Variants in TBATA observed in about 807,000 individuals in gnomAD.
TBATA encodes the protein thymus, brain and testes associated, also known as protein TBATA.
In TBATA, 47 loss-of-function variants were observed where a neutral mutation model predicts 38.7. The observed-to-expected ratio is 1.21, with a 90% CI of 0.96 to 1.55. The LOEUF is 1.55. TBATA is among the 40% of genes most tolerant of loss of function. TBATA has a pLI of 0.00. For missense variants in TBATA, 436 were observed against 435.6 expected (o/e 1.00, Z -0.01); for synonymous variants, 183 against 170.5 (o/e 1.07, Z -0.57).
chr10:70,772,078 G>C, intron 10 of TBATA: 1 of 374,614 alleles, frequency 2.7e-6, no homozygotes, highest in Non-Finnish European at 5.3e-6. Flanking sequence ...CCAAGAGGTG[G>C]GAGCTTTGCT....
chr10:70,779,480 C>T, intron 5 of TBATA, 113 bp downstream of exon 5: 1 of 1,248,346 alleles, frequency 8.0e-7, no homozygotes, highest in Non-Finnish European at 1.1e-6. Context: ...CCCCAACGGA[C>T]CTCACTGACC....
chr10:70,783,620 T>C (rs1349891065), intron 2 of TBATA, 95 bp from the exon 3 acceptor site: 3 of 477,906 alleles, frequency 6.3e-6, no homozygotes, highest in South Asian at 2.3e-5. Flanking sequence ...GAAATTCTTA[T>C]AGATGTACAA....
At chr10:70,777,074 G>T in intron 7 of TBATA, 79 bp downstream of exon 7, 2 of 1,460,866 alleles carry the variant, frequency 1.4e-6, no homozygotes, top group Non-Finnish European at 9.2e-7. Context: ...GTATCCCTGG[G>T]AGGGGCCTTG....
chr10:70,772,477 G>A lies in TBATA; in HGVS notation c.973+37C>T, dbSNP rs376929862. 169 of 1,605,802 alleles carry A rather than the reference G, an allele frequency of 1.1e-4. No homozygotes were observed. In the African/African-American group the frequency reaches 2.1e-3, roughly 20 times the overall value. ...AGAAATCCAGCCAGAGTGGGCCTTGGTGAGTCCCCCAAATGACCCACTACT... is the reference window on the plus strand; with the variant it reads ...AGAAATCCAGCCAGAGTGGGCCTTGATGAGTCCCCCAAATGACCCACTACT... On this transcript the variant is annotated intron_variant, in intron 10 of 10. Coordinates refer to ENST00000456372, the MANE Select transcript of TBATA (RefSeq NM_001318241.2).
At chr10:70,785,024 AG>A (rs35152059) in intron 1 of TBATA, among the ~76,000 whole-genome samples, 51,992 of 152,096 alleles carry the variant, frequency 0.34, 9,394 homozygotes, top group Non-Finnish European at 0.39. Flanking sequence ...ATAAGCCACC[AG>A]GGGGTCATAA....
Position 70,775,186 on chromosome 10 carries a change from C to T in TBATA, c.775+3G>A, listed in dbSNP as rs1453775583. Reference sequence around the variant, plus strand: ...AGACAGTGCTGCGGGGCTGTGTCCTCACCCTTGGGCGGAGCGTAGAGCAGC... The same window carrying T: ...AGACAGTGCTGCGGGGCTGTGTCCTTACCCTTGGGCGGAGCGTAGAGCAGC... On this transcript the variant is annotated splice_donor_region_variant and intron_variant, in intron 8 of 10. Transcript: ENST00000456372. The T allele has an allele frequency of 2.5e-6, 4 of 1,612,140 alleles. No homozygotes were observed. The highest frequency in any genetic ancestry group is 3.4e-6 in the Non-Finnish European group (4 of 1,178,458).
chr10:70,783,903 C>T (rs959606312), intron 2 of TBATA, among the ~76,000 whole-genome samples: 3 of 152,156 alleles, frequency 2.0e-5, no homozygotes, highest in African/African-American at 7.2e-5. Flanking sequence ...TTATTAATTA[C>T]TATTAAATAG....
At chr10:70,783,315 C>T in intron 3 of TBATA, 24 bp downstream of exon 3, 1 of 1,613,816 alleles carries the variant, frequency 6.2e-7, no homozygotes, top group African/African-American at 1.3e-5. Flanking sequence ...CCTCAGTCAG[C>T]AGGGTGGGCA....
At chr10:70,772,378 A>G (rs771914796) in intron 10 of TBATA, 136 bp downstream of exon 10, 2 of 860,248 alleles carry the variant, frequency 2.3e-6, no homozygotes, top group Non-Finnish European at 4.0e-6. Flanking sequence ...ATGAATATGA[A>G]TAAGTGAATG....
At position 70,781,920 on chromosome 10, in the gene TBATA, C is replaced by T. The variant is rs774842260; in HGVS notation, c.158G>A (p.Arg53His). ...IPGIVDFERI[R>H]RALRTPKPQT... is the part of the protein sequence containing the mutation. ...GGGCTTTGGGGTCCTCAATGCCCGG[C>T]GGATCCGCTCGAAATCCACAATCCC... The change falls in exon 4 of 11, where the codon CGC becomes CAC. Residue 53 changes from arginine (R) to histidine (H), a missense_variant. Arg to His is a conservative substitution (Grantham distance 29, BLOSUM62 0). Coordinates refer to ENST00000456372, the MANE Select transcript of TBATA (RefSeq NM_001318241.2). The T allele has an allele frequency of 2.1e-5, 34 of 1,614,116 alleles. No individual in the cohort carries two copies. Among genetic ancestry groups the T allele is most frequent in the Non-Finnish European group, 2.4e-5 (28 of 1,180,034 alleles).
In TBATA at chr10:70,777,310, C is replaced by A. The variant is rs142440867; in HGVS notation, c.536G>T (p.Arg179Leu). The stretch of plus-strand genomic sequence containing the variant: ...TGCTGAGTACTTTGCCCCCTGCTCC[C>A]GCAGAGGCTCCTCCTTCTGCTCCTT... ...EQKEQKEEPL[R>L]EQGAKYSAET... Residue 179 changes from arginine (R) to leucine (L), a missense_variant, in exon 7 of 11, where the codon CGG becomes CTG. Physicochemically the swap from Arg to Leu is moderately radical, Grantham distance 102. Transcript: ENST00000456372. 1.2e-6 allele frequency: 2 copies of A among 1,613,482 alleles called. No individual in the cohort carries two copies. Among genetic ancestry groups the A allele is most frequent in the Middle Eastern group, 1.6e-4 (1 of 6,078 alleles).
chr10:70,780,886 C>T (rs1335170787), intron 4 of TBATA, among the ~76,000 whole-genome samples: 1 of 152,214 alleles, frequency 6.6e-6, no homozygotes, highest in Non-Finnish European at 1.5e-5. Context: ...AGCATAGAGC[C>T]ACTGAGTCTT....
chr10:70,777,478 G>A (rs1021902546), intron 6 of TBATA, 140 bp from the exon 7 acceptor site: 1 of 775,708 alleles, frequency 1.3e-6, no homozygotes, highest in Non-Finnish European at 2.0e-6. Flanking sequence ...CGTTGCCAGG[G>A]TCCCAGGGTA....
chr10:70,775,367 A>G, intron 7 of TBATA, 97 bp from the exon 8 acceptor site: 1 of 1,072,704 alleles, frequency 9.3e-7, no homozygotes, highest in South Asian at 1.4e-5. Context: ...CTTCCCCCAA[A>G]GTGGGCTCCC....
chr10:70,782,335 G>C lies in TBATA; in HGVS notation c.42-299C>G, dbSNP rs548389609. ...CAGAGACCATATCTGAAACCAGAAA[G>C]AGAAGCTGCAGACCCACCTACTCAT... On this transcript the variant is annotated intron_variant, in intron 3 of 10. Coordinates refer to ENST00000456372, the MANE Select transcript of TBATA (RefSeq NM_001318241.2). 2.1e-6 allele frequency: 3 copies of C among 1,422,212 alleles called. No homozygotes were observed. The African/African-American group carries it at 4.2e-5, about 20-fold the overall frequency. The allele number at this position is 1,422,212 out of a possible 1,614,324, so 88.1% of individuals were successfully genotyped here.
rs1844515573 is a variant in TBATA, at chr10:70,783,455, A to G, written c.-76T>C. Reference sequence around the variant, plus strand: ...GGATGCAGAACAGGAACTCTCACTTAATACTAGTGTTGAGGATGCAGAACA... The same window carrying G: ...GGATGCAGAACAGGAACTCTCACTTGATACTAGTGTTGAGGATGCAGAACA... On this transcript the variant is annotated 5_prime_UTR_variant, in exon 3 of 11. Transcript: ENST00000456372. The G allele has an allele frequency of 5.8e-6, 9 of 1,538,830 alleles. No individual in the cohort carries two copies. Among genetic ancestry groups the G allele is most frequent in the Non-Finnish European group, 7.2e-6 (8 of 1,114,462 alleles).
chr10:70,771,431 A>T lies in TBATA; in HGVS notation c.1004T>A (p.Met335Lys). 1.2e-6 allele frequency: 2 copies of T among 1,614,064 alleles called. No homozygotes were observed. Among genetic ancestry groups the T allele is most frequent in the Non-Finnish European group, 1.7e-6 (2 of 1,179,990 alleles). ...CTTCTCTGTGTTCTGGCTTGAATGCATCTGGAGGACTTGAGCTTCTCCAAT... is the reference window on the plus strand; with the variant it reads ...CTTCTCTGTGTTCTGGCTTGAATGCTTCTGGAGGACTTGAGCTTCTCCAAT... ...EYIGEAQVLQ[M>K]HSSQNTEKKT... Residue 335 changes from methionine to lysine, a missense_variant, in exon 11 of 11, where the codon ATG becomes AAG. Physicochemically the swap from Met to Lys is moderately conservative, Grantham distance 95. Transcript: ENST00000456372.
intron 6 of TBATA, chr10:70,777,842 T>C: frequency 2.2e-6 from 1 of 453,786 alleles, no homozygotes; most frequent in Non-Finnish European, 4.4e-6. Flanking sequence ...CAATTCCAAT[T>C]AAGACTGGTA....
chr10:70,772,698 G>C, intron 9 of TBATA, 132 bp from the exon 10 acceptor site: 4 of 944,098 alleles, frequency 4.2e-6, no homozygotes, highest in Non-Finnish European at 6.9e-6. Context: ...AGAGGCAAGA[G>C]TCACCCCTCC....
Sources: gnomAD v4.1 joint callset for allele counts (sites outside exome capture counted in the v4.1 genomes callset) on GRCh38, gnomAD v4.1.1 for gene constraint, MANE v1.5 for transcripts, NCBI Gene and HGNC (gene_info 2026-07-23, HGNC 2026-07-21) for gene names.